Variants in SHLD1 observed in about 807,000 individuals in gnomAD.
SHLD1 encodes the protein RINN1-REV7-interacting novel NHEJ regulator 3.
SHLD1 carries 3 observed loss-of-function variants against 5.5 expected under a neutral mutation model. The observed-to-expected ratio is 0.54, with a 90% confidence interval of 0.25 to 1.40. SHLD1 has a LOEUF of 1.40. Ranked by LOEUF, SHLD1 falls within the 40% of genes most tolerant of loss-of-function variation. The pLI, the probability that SHLD1 is intolerant of heterozygous loss-of-function variation, is 0.15. For missense variants in SHLD1, 210 were observed against 244.4 expected (o/e 0.86, Z 0.94); for synonymous variants, 92 against 94.3 (o/e 0.98, Z 0.14).
intron 1 of SHLD1, among the ~76,000 whole-genome samples, chr20:5,753,983 A>G (rs1983911647): frequency 6.6e-6 from 1 of 152,210 alleles, no homozygotes; most frequent in Non-Finnish European, 1.5e-5. Flanking sequence ...GTCATGAGAC[A>G]GTGAACCTTG....
intron 2 of SHLD1, among the ~76,000 whole-genome samples, chr20:5,818,394 G>A (rs1002309804): frequency 1.3e-5 from 2 of 152,138 alleles, no homozygotes; most frequent in African/African-American, 4.8e-5. Context: ...CAGTTTTATA[G>A]CCATTTATAG....
chr20:5,777,117 T>C (rs1600110930), intron 2 of SHLD1, among the ~76,000 whole-genome samples: 1 of 151,980 alleles, frequency 6.6e-6, no homozygotes, highest in African/African-American at 2.4e-5. Flanking sequence ...GCCTCCTGAG[T>C]AGCTGGGATT....
chr20:5,802,414 C>G, intron 2 of SHLD1, among the ~76,000 whole-genome samples: 1 of 152,126 alleles, frequency 6.6e-6, no homozygotes, highest in East Asian at 1.9e-4. Flanking sequence ...GCTTCTTAAT[C>G]CTTCTGGGCC....
intron 2 of SHLD1, among the ~76,000 whole-genome samples, chr20:5,859,825 G>A (rs2122512116): frequency 6.6e-6 from 1 of 152,320 alleles, no homozygotes; most frequent in South Asian, 2.1e-4. Context: ...CTGGCAGACT[G>A]CCTGACATGT....
intron 2 of SHLD1, among the ~76,000 whole-genome samples, chr20:5,817,432 C>CTCTCTGTGTGTGTGTGTG (rs1473391202): frequency 3.2e-4 from 27 of 85,668 alleles, no homozygotes; most frequent in African/African-American, 1.4e-3. Context: ...CTCTCTCTCT[C>CTCTCTGTGTGTGTGTGTG]TGTGTGTGTG....
intron 2 of SHLD1, among the ~76,000 whole-genome samples, chr20:5,839,355 C>T (rs545114879): frequency 6.6e-6 from 1 of 152,342 alleles, no homozygotes; most frequent in African/African-American, 2.4e-5. Flanking sequence ...CTTCTCACTT[C>T]TCTCCAGCTT....
chr20:5,830,962 T>A (rs2087722516), intron 2 of SHLD1, among the ~76,000 whole-genome samples: 1 of 152,174 alleles, frequency 6.6e-6, no homozygotes, highest in Non-Finnish European at 1.5e-5. Flanking sequence ...GGGACTACAT[T>A]ATGCATTAGG....
chr20:5,760,912 G>A (rs1467152613), intron 1 of SHLD1, among the ~76,000 whole-genome samples: 3 of 152,158 alleles, frequency 2.0e-5, no homozygotes, highest in Admixed American at 2.0e-4. Flanking sequence ...TGCCCTGTTT[G>A]GTGACTCACA....
chr20:5,765,888 G>A (rs1022079934), intron 1 of SHLD1, among the ~76,000 whole-genome samples: 19 of 148,450 alleles, frequency 1.3e-4, no homozygotes, highest in Non-Finnish European at 2.4e-4. Flanking sequence ...CAAAGTGCTG[G>A]GATTACAGAC....
intron 2 of SHLD1, among the ~76,000 whole-genome samples, chr20:5,773,900 G>A (rs1001651780): frequency 3.3e-5 from 5 of 151,948 alleles, no homozygotes; most frequent in Non-Finnish European, 5.9e-5. Context: ...TGTTGTTGTC[G>A]TTAATATTAA....
chr20:5,808,589 A>G (rs2087415738), intron 2 of SHLD1, among the ~76,000 whole-genome samples: 2 of 152,218 alleles, frequency 1.3e-5, no homozygotes, highest in Non-Finnish European at 2.9e-5. Flanking sequence ...ATCCCATTGT[A>G]TGATTGGATC....
At chr20:5,768,776 C>T (rs1406885934) in intron 1 of SHLD1, among the ~76,000 whole-genome samples, 1 of 152,172 alleles carries the variant, frequency 6.6e-6, no homozygotes, top group Non-Finnish European at 1.5e-5. Context: ...AACCTTTTTA[C>T]ATTGAATATA....
At chr20:5,821,797 A>G (rs1033464917) in intron 2 of SHLD1, among the ~76,000 whole-genome samples, 1 of 152,170 alleles carries the variant, frequency 6.6e-6, no homozygotes, top group African/African-American at 2.4e-5. Flanking sequence ...GTTTTTCTCC[A>G]CATGGGCCTC....
chr20:5,837,479 C>A (rs540302384), intron 2 of SHLD1, among the ~76,000 whole-genome samples: 7 of 152,160 alleles, frequency 4.6e-5, no homozygotes, highest in African/African-American at 1.7e-4. Context: ...CCCCCACCTC[C>A]AACAGGCCCC....
intron 1 of SHLD1, among the ~76,000 whole-genome samples, chr20:5,755,764 G>A (rs1984053503): frequency 6.6e-6 from 1 of 152,032 alleles, no homozygotes; most frequent in Non-Finnish European, 1.5e-5. Context: ...TCTCCATGTT[G>A]GTCAGGGTGG....
rs954791698 is a variant in SHLD1, at chr20:5,768,149, G to A, written c.-4-4713G>A. Among the ~76,000 whole-genome samples the A allele has an allele frequency of 2.6e-5, 4 of 151,860 alleles. No homozygotes were observed. In the South Asian group the frequency reaches 8.3e-4, roughly 32 times the overall value. ...GCCACCATGCCCAGCTAATTTTATA[G>A]TTTTAGTAGAGAAGAGGTTTCACCA... is the stretch of plus-strand genomic sequence containing the variant. On this transcript the variant is annotated intron_variant, in intron 1 of 2. Coordinates refer to ENST00000303142, the MANE Select transcript of SHLD1 (RefSeq NM_152504.4).
intron 2 of SHLD1, among the ~76,000 whole-genome samples, chr20:5,805,325 T>C (rs1443524126): frequency 6.6e-6 from 1 of 151,986 alleles, no homozygotes; most frequent in Non-Finnish European, 1.5e-5. Context: ...GCCTGGCTAA[T>C]TTTGTATTTT....
intron 2 of SHLD1, among the ~76,000 whole-genome samples, chr20:5,777,715 G>A (rs935455827): frequency 1.6e-4 from 25 of 151,722 alleles, no homozygotes; most frequent in South Asian, 1.0e-3. Context: ...TTACAGGCAT[G>A]AGCCACCACA....
intron 2 of SHLD1, among the ~76,000 whole-genome samples, chr20:5,802,445 C>G (rs1334453962): frequency 6.6e-6 from 1 of 152,084 alleles, no homozygotes. Flanking sequence ...CATTTGGAAA[C>G]TTTGAATAAT....
Sources: gnomAD v4.1 joint callset for allele counts (sites outside exome capture counted in the v4.1 genomes callset) on GRCh38, gnomAD v4.1.1 for gene constraint, MANE v1.5 for transcripts, NCBI Gene and HGNC (gene_info 2026-07-23, HGNC 2026-07-21) for gene names.